The following MEIKIN variants were observed in gnomAD, a reference collection of about 807,000 sequenced individuals.
The protein encoded by MEIKIN is meiosis-specific kinetochore protein.
chr5:131,874,577 C>A lies in MEIKIN; in HGVS notation c.774+4401G>T, dbSNP rs191489388. On this transcript the variant is annotated intron_variant, in intron 9 of 12. Transcript: ENST00000442687. ...ATTCTACCAGAGGTACAAGGAGGAG[C>A]TGGTACCATTCCTTCTGAAACTATT... Among the ~76,000 whole-genome samples the A allele has an allele frequency of 8.5e-5, 13 of 152,290 alleles. No homozygotes were observed. In the East Asian group the frequency reaches 2.5e-3, roughly 29 times the overall value.
At chr5:131,863,434 T>C (rs1750322871) in intron 9 of MEIKIN, among the ~76,000 whole-genome samples, 1 of 152,164 alleles carries the variant, frequency 6.6e-6, no homozygotes, top group Non-Finnish European at 1.5e-5. Context: ...CTGTCTCTCT[T>C]TAGATCTAGC....
chr5:131,823,344 T>C (rs1749553428), intron 11 of MEIKIN, among the ~76,000 whole-genome samples: 1 of 152,118 alleles, frequency 6.6e-6, no homozygotes. Flanking sequence ...TTTGAAGATA[T>C]TTTCTAGATT....
At chr5:131,816,057 A>T (rs1773094410) in intron 12 of MEIKIN, among the ~76,000 whole-genome samples, 1 of 152,254 alleles carries the variant, frequency 6.6e-6, no homozygotes, top group Non-Finnish European at 1.5e-5. Context: ...TAGCAAGAAG[A>T]AGGGTGAACA....
chr5:131,860,515 G>A (rs1005165144), intron 9 of MEIKIN, among the ~76,000 whole-genome samples: 4 of 151,394 alleles, frequency 2.6e-5, no homozygotes, highest in African/African-American at 7.3e-5. Context: ...GTGTGATCTC[G>A]GCTGACTGCA....
chr5:131,835,647 G>A (rs1749793004), intron 11 of MEIKIN, among the ~76,000 whole-genome samples: 1 of 152,148 alleles, frequency 6.6e-6, no homozygotes, highest in South Asian at 2.1e-4. Flanking sequence ...AGGCTGGAGT[G>A]CAGTGGTGCA....
intron 6 of MEIKIN, among the ~76,000 whole-genome samples, chr5:131,917,789 G>A (rs1408272876): frequency 6.6e-6 from 1 of 152,096 alleles, no homozygotes; most frequent in Non-Finnish European, 1.5e-5. Context: ...TGTTAGATTA[G>A]AATTTTTAAA....
chr5:131,814,221 C>T (rs759647548), intron 12 of MEIKIN, among the ~76,000 whole-genome samples: 1 of 151,790 alleles, frequency 6.6e-6, no homozygotes, highest in Non-Finnish European at 1.5e-5. Flanking sequence ...ATCAAGTTGA[C>T]ACTCAGTAAT....
At chr5:131,912,853 A>C (rs973715286) in intron 7 of MEIKIN, among the ~76,000 whole-genome samples, 3 of 152,120 alleles carry the variant, frequency 2.0e-5, no homozygotes, top group Non-Finnish European at 4.4e-5. Flanking sequence ...CTTGGGCATG[A>C]TTTAGACTCA....
intron 8 of MEIKIN, among the ~76,000 whole-genome samples, chr5:131,904,558 T>G (rs901376946): frequency 6.6e-6 from 1 of 152,118 alleles, no homozygotes; most frequent in Admixed American, 6.6e-5. Flanking sequence ...CCACCAATAG[T>G]GTAAAAGTAT....
chr5:131,883,435 G>A (rs924731010), intron 8 of MEIKIN, among the ~76,000 whole-genome samples: 1 of 152,194 alleles, frequency 6.6e-6, no homozygotes, highest in Non-Finnish European at 1.5e-5. Context: ...AGTTACTTGA[G>A]AAGTACTTTC....
chr5:131,838,921 T>C (rs1353569083), intron 11 of MEIKIN, among the ~76,000 whole-genome samples: 2 of 152,192 alleles, frequency 1.3e-5, no homozygotes, highest in Non-Finnish European at 2.9e-5. Flanking sequence ...CTCTTGGTTG[T>C]CTAGTTCTTT....
intron 4 of MEIKIN, among the ~76,000 whole-genome samples, chr5:131,936,553 G>A (rs142744552): frequency 2.0e-5 from 3 of 152,170 alleles, no homozygotes; most frequent in African/African-American, 4.8e-5. Flanking sequence ...TGTTTTCTAA[G>A]TACTTATTAA....
intron 8 of MEIKIN, among the ~76,000 whole-genome samples, chr5:131,902,748 T>C (rs772236006): frequency 6.6e-6 from 1 of 152,188 alleles, no homozygotes; most frequent in Non-Finnish European, 1.5e-5. Context: ...CCAGAGTGTC[T>C]TCTTACCTCC....
At chr5:131,930,413 A>G (rs1751669441) in intron 5 of MEIKIN, among the ~76,000 whole-genome samples, 1 of 152,118 alleles carries the variant, frequency 6.6e-6, no homozygotes, top group Admixed American at 6.6e-5. Context: ...ATAGTTTGCA[A>G]ATATTTTCTC....
At chr5:131,885,341 AAGAGAGAGAGAGAGAGAGAGAGAG>A (rs57363906) in intron 8 of MEIKIN, among the ~76,000 whole-genome samples, 33 of 61,966 alleles carry the variant, frequency 5.3e-4, no homozygotes, top group East Asian at 2.0e-3. Flanking sequence ...TCAGAACTGA[AAGAGAGAGAGAGAGAGAGAGAGAG>A]AGAGAGAGAG....
chr5:131,924,285 T>C (rs1402587720), intron 5 of MEIKIN, among the ~76,000 whole-genome samples: 1 of 152,174 alleles, frequency 6.6e-6, no homozygotes, highest in Non-Finnish European at 1.5e-5. Flanking sequence ...CTGCAATGAA[T>C]AAGGGAGTGC....
intron 11 of MEIKIN, among the ~76,000 whole-genome samples, chr5:131,837,517 T>C (rs1285186587): frequency 6.6e-6 from 1 of 152,138 alleles, no homozygotes; most frequent in Non-Finnish European, 1.5e-5. Flanking sequence ...TTTGTTTGTG[T>C]CATCTCTAAT....
At chr5:131,884,731 G>A (rs1750749096) in intron 8 of MEIKIN, among the ~76,000 whole-genome samples, 1 of 151,826 alleles carries the variant, frequency 6.6e-6, no homozygotes, top group Admixed American at 6.6e-5. Context: ...AGGCTCTTGG[G>A]GGTCCCTAAT....
chr5:131,832,878 G>A (rs1196248786), intron 11 of MEIKIN, among the ~76,000 whole-genome samples: 1 of 152,218 alleles, frequency 6.6e-6, no homozygotes, highest in African/African-American at 2.4e-5. Flanking sequence ...CACAGCATGG[G>A]GATCCTGGGC....
Sources: allele counts gnomAD v4.1 joint callset (sites outside exome capture counted in the v4.1 genomes callset), GRCh38; gene constraint gnomAD v4.1.1; transcripts MANE v1.5; gene names NCBI Gene and HGNC (gene_info 2026-07-23, HGNC 2026-07-21).